Variants in CCDC88A observed in about 807,000 individuals in gnomAD.
CCDC88A encodes the protein coiled-coil and HOOK domain protein 88A.
CCDC88A carries 54 observed loss-of-function variants against 234.3 expected under a neutral mutation model. The ratio of observed to expected loss-of-function variants is 0.23; its 90% CI spans 0.19 to 0.29. CCDC88A has a LOEUF of 0.29. Ranked by LOEUF, CCDC88A falls within the 10% of genes least tolerant of loss-of-function variation. CCDC88A has a pLI of 1.00. For missense variants in CCDC88A, 1,832 were observed against 2,123.4 expected (o/e 0.86, Z 2.70); for synonymous variants, 753 against 737.8 (o/e 1.02, Z -0.33).
At chr2:55,356,084 C>T (rs564020855) in intron 7 of CCDC88A, 1 of 162,462 alleles carries the variant, frequency 6.2e-6, no homozygotes, top group South Asian at 1.8e-4. Flanking sequence ...GTCTGCTGCA[C>T]CTAAAAACCC....
At chr2:55,333,140 AG>A (rs1430152678) in intron 15 of CCDC88A, among the ~76,000 whole-genome samples, 3 of 152,214 alleles carry the variant, frequency 2.0e-5, no homozygotes, top group African/African-American at 7.2e-5. Context: ...TTTAGGCACA[AG>A]GAACTTGTTG....
intron 2 of CCDC88A, among the ~76,000 whole-genome samples, chr2:55,391,879 T>C (rs1470043727): frequency 6.6e-6 from 1 of 152,224 alleles, no homozygotes; most frequent in Non-Finnish European, 1.5e-5. Context: ...TTATAGGAAA[T>C]AGATTCAGTT....
intron 2 of CCDC88A, among the ~76,000 whole-genome samples, chr2:55,396,824 C>G (rs1388522719): frequency 7.3e-6 from 1 of 137,446 alleles, no homozygotes; most frequent in Non-Finnish European, 1.5e-5. Context: ...GAGCCGAGAT[C>G]ACGCCACTGC....
intron 31 of CCDC88A, 21 bp downstream of exon 31, chr2:55,295,576 A>T (rs1679939216): frequency 1.2e-6 from 2 of 1,614,028 alleles, no homozygotes. Flanking sequence ...TGAGAGGACC[A>T]CTGGTGTAAA....
At chr2:55,375,469 C>CTATATATATATATATATA (rs869279076) in intron 3 of CCDC88A, among the ~76,000 whole-genome samples, 1 of 26,604 alleles carries the variant, frequency 3.8e-5, no homozygotes, top group Non-Finnish European at 1.0e-4. Flanking sequence ...TGTCACTGTA[C>CTATATATATATATATATA]TATATATATA....
At position 55,295,792 on chromosome 2, in the gene CCDC88A, C is replaced by T; in HGVS notation, c.5356G>A (p.Glu1786Lys). 2 of 1,614,140 alleles carry T rather than the reference C, an allele frequency of 1.2e-6. No homozygotes were observed. Among genetic ancestry groups the T allele is most frequent in the Non-Finnish European group, 1.7e-6 (2 of 1,180,020 alleles). The stretch of plus-strand genomic sequence containing the variant: ...TTTGATTGTCGTGACAGAGAAGATT[C>T]TTTTACTAATTTTATTTTTCCTTGA... ...GTQGKIKLVK[E>K]SSLSRQSKDS... Residue 1786 changes from glutamate to lysine, a missense_variant, in exon 31 of 33, where the codon GAA becomes AAA. Coordinates refer to ENST00000436346, the MANE Select transcript of CCDC88A (RefSeq NM_001365480.1).
At chr2:55,311,589 G>A (rs989107531) in intron 23 of CCDC88A, among the ~76,000 whole-genome samples, 1 of 152,344 alleles carries the variant, frequency 6.6e-6, no homozygotes, top group Admixed American at 6.5e-5. Context: ...GTCACACTGT[G>A]AGTGGATGAA....
intron 2 of CCDC88A, among the ~76,000 whole-genome samples, chr2:55,415,466 T>C (rs1018208660): frequency 2.6e-5 from 4 of 152,124 alleles, no homozygotes; most frequent in African/African-American, 9.6e-5. Context: ...CCCCAATCGA[T>C]GGGAAACAAG....
chr2:55,317,880 A>T lies in CCDC88A; in HGVS notation c.3325-39T>A. The T allele has an allele frequency of 7.3e-7, 1 of 1,366,928 alleles. No individual in the cohort carries two copies. The highest frequency in any genetic ancestry group is 1.4e-5 in the African/African-American group (1 of 69,092). 84.7% of individuals were successfully genotyped at this position (1,366,928 alleles called of 1,614,324 possible). On this transcript the variant is annotated intron_variant, in intron 19 of 32. Coordinates refer to ENST00000436346, the MANE Select transcript of CCDC88A (RefSeq NM_001365480.1). The surrounding 1 kb of genome is among the most constrained non-coding windows in gnomAD (Gnocchi z 4.2). ...TATTGTTATCAGACATAAGAAAAAC[A>T]GTTCATGTTCTTTTTCAAAATACAA...
chr2:55,402,532 T>C (rs1574480216), intron 2 of CCDC88A, among the ~76,000 whole-genome samples: 1 of 152,352 alleles, frequency 6.6e-6, no homozygotes, highest in South Asian at 2.1e-4. Context: ...TCTGAAACTC[T>C]ATCAATGAAC....
chr2:55,343,500 A>C (rs529171430), intron 12 of CCDC88A, 148 bp downstream of exon 12: 10 of 541,792 alleles, frequency 1.8e-5, no homozygotes, highest in Non-Finnish European at 3.1e-5. Context: ...AAGAAAATGC[A>C]AACAATATAT....
At chr2:55,325,661 T>C (rs1445926578) in intron 17 of CCDC88A, among the ~76,000 whole-genome samples, 5 of 152,212 alleles carry the variant, frequency 3.3e-5, no homozygotes, top group Non-Finnish European at 5.9e-5. Flanking sequence ...CTTTATCTGG[T>C]AGATGAAGTT....
intron 29 of CCDC88A, among the ~76,000 whole-genome samples, 180 bp downstream of exon 29, chr2:55,299,659 A>G (rs1680643288): frequency 6.6e-6 from 1 of 152,240 alleles, no homozygotes; most frequent in South Asian, 2.1e-4. Context: ...CTGTTTTTAC[A>G]TTTGTATACA....
chr2:55,388,971 T>C, intron 2 of CCDC88A, 85 bp from the exon 3 acceptor site: 1 of 364,426 alleles, frequency 2.7e-6, no homozygotes, highest in South Asian at 9.2e-5. Context: ...TATAATACTT[T>C]TTTATTTAAA....
At chr2:55,329,711 C>T (rs1574132668) in intron 16 of CCDC88A, 1 of 152,162 alleles carries the variant, frequency 6.6e-6, no homozygotes, top group Non-Finnish European at 1.5e-5. Flanking sequence ...AGACATCAAA[C>T]AGGTATTAAA....
At chr2:55,370,576 G>C (rs1672668158) in intron 5 of CCDC88A, among the ~76,000 whole-genome samples, 1 of 145,900 alleles carries the variant, frequency 6.9e-6, no homozygotes, top group Non-Finnish European at 1.5e-5. Flanking sequence ...GGGAGGCAGA[G>C]GTTGCAGTGA....
At chr2:55,360,827 C>T (rs1671197626) in intron 7 of CCDC88A, among the ~76,000 whole-genome samples, 1 of 152,172 alleles carries the variant, frequency 6.6e-6, no homozygotes, top group South Asian at 2.1e-4. Context: ...GTGGCTCACA[C>T]CTGTATTCCC....
chr2:55,318,022 T>A (rs906442970), intron 19 of CCDC88A, among the ~76,000 whole-genome samples, 181 bp from the exon 20 acceptor site: 7 of 152,102 alleles, frequency 4.6e-5, no homozygotes, highest in Non-Finnish European at 1.0e-4. Flanking sequence ...TAATTTTGAC[T>A]TTTGGAAGTG....
rs998633175 is a variant in CCDC88A at position 55,419,366 on chromosome 2, G to T, written c.-287C>A. 9.7e-5 allele frequency: 39 copies of T among 402,966 alleles called. No individual in the cohort carries two copies. The highest frequency in any genetic ancestry group is 6.9e-4 in the African/African-American group (34 of 49,172). The allele number at this position is 402,966 out of a possible 1,614,324, so 25.0% of individuals were successfully genotyped here. On this transcript the variant is annotated 5_prime_UTR_variant, in exon 1 of 33. Transcript: ENST00000436346. ...AGAGAAAAGGCATCTGGAGGAGGAG[G>T]AAGGGAAAGGGGGCTGGAACCCAAG...
Sources: allele counts gnomAD v4.1 joint callset (sites outside exome capture counted in the v4.1 genomes callset), GRCh38; gene constraint gnomAD v4.1.1; non-coding constraint Gnocchi (gnomAD v3.1); transcripts MANE v1.5; gene names NCBI Gene and HGNC (gene_info 2026-07-23, HGNC 2026-07-21).